LZTR1: variants seen among roughly 807,000 people sequenced by gnomAD.
LZTR1 encodes leucine zipper like post translational regulator 1.
In LZTR1, 260 loss-of-function variants were observed where a neutral mutation model predicts 105.7. That is an observed-to-expected ratio of 2.46 (90% CI 2.22 to 2.72). LZTR1 has a LOEUF of 2.72. Among genes scored for constraint, LZTR1 ranks in the 30% most tolerant of loss-of-function variants. The probability of loss-of-function intolerance (pLI) is 0.00; values close to 1 mark genes in which losing one functional copy is unlikely to be tolerated. For missense variants in LZTR1, 1,214 were observed against 1,166.9 expected (o/e 1.04, Z -0.59); for synonymous variants, 490 against 476.4 (o/e 1.03, Z -0.37).
At position 20,998,521 on chromosome 22, in the gene LZTR1, C is replaced by T. The variant is rs774989462; in HGVS notation, c.*1173C>T. The T allele has an allele frequency of 1.3e-5, 2 of 152,334 alleles. No individual in the cohort carries two copies. The highest frequency in any genetic ancestry group is 2.9e-5 in the Non-Finnish European group (2 of 68,128). 9.4% of individuals were successfully genotyped at this position (152,334 alleles called of 1,614,324 possible). A position where few individuals can be genotyped will look rare whatever the true frequency, so the allele number is the denominator to read the frequency against. ...TGTGGCTGCCATGAAGCCACAGCTC[C>T]TTGGGGAAGTGACCTGCTCTCCTTT... On this transcript the variant is annotated 3_prime_UTR_variant, in exon 21 of 21. Coordinates refer to ENST00000646124, the MANE Select transcript of LZTR1 (RefSeq NM_006767.4).
intron 1 of LZTR1, 93 bp from the exon 2 acceptor site, chr22:20,982,934 T>G: frequency 9.8e-7 from 1 of 1,019,282 alleles, no homozygotes; most frequent in South Asian, 1.3e-5. Flanking sequence ...AGGTGATACC[T>G]AACTTCCGTG....
At chr22:20,983,985 C>T (rs1924287939) in intron 2 of LZTR1, among the ~76,000 whole-genome samples, 1 of 152,222 alleles carries the variant, frequency 6.6e-6, no homozygotes, top group Non-Finnish European at 1.5e-5. Context: ...TGCCCTCAGT[C>T]CCTCACTGCA....
chr22:20,996,511 G>T (rs897055135), intron 18 of LZTR1, 185 bp from the exon 19 acceptor site: 4 of 611,630 alleles, frequency 6.5e-6, no homozygotes, highest in South Asian at 5.9e-5. Context: ...TATTTTTCTC[G>T]GGAGGGGATT....
chr22:20,989,640 G>A lies in LZTR1; in HGVS notation c.609G>A (p.Trp203Ter), dbSNP rs778525532. 6.2e-7 allele frequency: 1 copy of A among 1,613,692 alleles called. No individual in the cohort carries two copies. The highest frequency in any genetic ancestry group is 1.1e-5 in the South Asian group (1 of 91,080). Residue 203 changes from tryptophan to a stop codon, truncating the protein, a stop_gained, in exon 7 of 21, where the codon TGG becomes TGA. Transcript: ENST00000646124. LOFTEE classifies it high-confidence loss of function. ...CCTAATACAGGTTGAATGACATGTG[G>A]ACAATTGGCCTCCAGGACCGAGAGC... The part of the protein sequence containing the change: ...YDGNARLNDM[W>*]TIGLQDRELT...
At chr22:20,992,462 G>C in intron 10 of LZTR1, 93 bp downstream of exon 10, 2 of 1,359,084 alleles carry the variant, frequency 1.5e-6, no homozygotes, top group Admixed American at 2.3e-5. Context: ...GAGGCCCCGA[G>C]AAATACTTGC....
At chr22:20,987,951 G>T in intron 4 of LZTR1, 59 bp from the exon 5 acceptor site, 1 of 1,031,698 alleles carries the variant, frequency 9.7e-7, no homozygotes, top group Non-Finnish European at 1.5e-6. Context: ...CACCTTCCAG[G>T]GTTTGAAATC....
chr22:20,995,806 A>G lies in LZTR1; in HGVS notation c.2003A>G (p.Asp668Gly). ...GAGGGAGCGGGCGCGGAATTCTGTG[A>G]CATCACTCTGTTGCTTGACGGGCAC... ...YLEGAGAEFC[D>G]ITLLLDGHPR... The change falls in exon 17 of 21, where the codon GAC becomes GGC. Residue 668 changes from aspartate to glycine, a missense_variant. Transcript: ENST00000646124. 4 of 1,613,490 alleles carry G rather than the reference A, an allele frequency of 2.5e-6. No homozygotes were observed. The highest frequency in any genetic ancestry group is 2.7e-5 in the African/African-American group (2 of 74,976).
In LZTR1 at chr22:20,993,756, T is replaced by G. The variant is rs779146700; in HGVS notation, c.1353+2T>G. On this transcript the variant is annotated splice_donor_variant, in intron 12 of 20. Transcript: ENST00000646124. LOFTEE classifies it high-confidence loss of function. ...GACGTGGAGTTCGTGCTGGGTGAGGTGGGTGCCTGTCCTCGCACCCTGCTC... is the reference window on the plus strand; with the variant it reads ...GACGTGGAGTTCGTGCTGGGTGAGGGGGGTGCCTGTCCTCGCACCCTGCTC... 1 of 1,611,786 alleles carries G rather than the reference T, an allele frequency of 6.2e-7. No individual in the cohort carries two copies. The highest frequency in any genetic ancestry group is 8.5e-7 in the Non-Finnish European group (1 of 1,179,256).
intron 3 of LZTR1, 195 bp from the exon 4 acceptor site, chr22:20,987,309 G>C (rs1307650146): frequency 7.3e-6 from 4 of 548,084 alleles, no homozygotes; most frequent in Non-Finnish European, 9.8e-6. Context: ...CAGGACAATC[G>C]CTTGAACCCA....
chr22:20,993,046 T>C, intron 11 of LZTR1, 142 bp downstream of exon 11: 1 of 642,862 alleles, frequency 1.6e-6, no homozygotes, highest in South Asian at 2.0e-5. Flanking sequence ...GGAGGAGCCC[T>C]GTGGGCTGAG....
At position 20,993,932 on chromosome 22, in the gene LZTR1, G is replaced by T; in HGVS notation, c.1362G>T (p.Glu454Asp). The change falls in exon 13 of 21, where the codon GAG becomes GAT. Residue 454 changes from glutamate to aspartate, a missense_variant. Coordinates refer to ENST00000646124, the MANE Select transcript of LZTR1 (RefSeq NM_006767.4). ...DVEFVLGEKE[E>D]CVQGHVAIVT... ...CATCATTCTTTGTGCAGAAGGAGGA[G>T]TGCGTGCAGGGCCACGTAGCCATTG... is the stretch of plus-strand genomic sequence containing the variant. The T allele has an allele frequency of 6.2e-7, 1 of 1,612,096 alleles. No homozygotes were observed. Among genetic ancestry groups the T allele is most frequent in the Non-Finnish European group, 8.5e-7 (1 of 1,179,796 alleles).
chr22:20,996,255 G>T, intron 18 of LZTR1, 143 bp downstream of exon 18: 1 of 893,340 alleles, frequency 1.1e-6, no homozygotes, highest in Non-Finnish European at 1.7e-6. Context: ...TGGTGCCTGG[G>T]GCTGGGCCTG....
At chr22:20,989,166 C>T (rs1924508744) in intron 6 of LZTR1, among the ~76,000 whole-genome samples, 1 of 152,248 alleles carries the variant, frequency 6.6e-6, no homozygotes, top group Non-Finnish European at 1.5e-5. Context: ...TGCCCAGGCT[C>T]AGGCCCAGCC....
rs1180155083 is a variant in LZTR1, at chr22:20,995,458, TG to T, written c.1943-285del. On this transcript the variant is annotated intron_variant, in intron 16 of 20. Transcript: ENST00000646124. ...TCTGCAGGCACCAGAGGCCATGCAG[TG>T]GGCCTGGAGGGGGCTTGATCATGAG... 3.1e-6 allele frequency: 2 copies of T among 646,726 alleles called. No individual in the cohort carries two copies. The highest frequency in any genetic ancestry group is 5.9e-6 in the Non-Finnish European group (2 of 340,318). The allele number at this position is 646,726 out of a possible 1,614,324, so 40.1% of individuals were successfully genotyped here.
At position 20,994,661 on chromosome 22, in the gene LZTR1, C is replaced by T. The variant is rs150897932; in HGVS notation, c.1719C>T (p.Ser573=). Residue 573 remains serine (S), a synonymous_variant, in exon 15 of 21, where the codon TCC becomes TCT. Transcript: ENST00000646124. ...TGTGCCGCCAGTACATCGAGGCCTCCGTGGACCTGCAGAACGTGCTGGTTG... is the reference window on the plus strand; with the variant it reads ...TGTGCCGCCAGTACATCGAGGCCTCTGTGGACCTGCAGAACGTGCTGGTTG... The part of the protein sequence containing the change: ...EQLCRQYIEA[S]VDLQNVLVVC... 308 of 1,612,952 alleles carry T rather than the reference C, an allele frequency of 1.9e-4. 1 individual carries two copies. In the African/African-American group the frequency reaches 3.4e-3, roughly 18 times the overall value.
intron 3 of LZTR1, 101 bp from the exon 4 acceptor site, chr22:20,987,403 A>G (rs1385660889): frequency 6.0e-6 from 4 of 667,404 alleles, no homozygotes; most frequent in African/African-American, 1.8e-5. Flanking sequence ...AAAAAAAAAA[A>G]GAAAAAAGAA....
rs1408575907 is a variant in LZTR1 at position 20,992,907 on chromosome 22, G to A, written c.1260+3G>A. On this transcript the variant is annotated splice_donor_region_variant and intron_variant, in intron 11 of 20. Transcript: ENST00000646124. ...GCGGGGAGATGTACAGGTTCCAGGT[G>A]TGGGGCCTGTGGGCCTGTAGAGCCG... 2.5e-6 allele frequency: 4 copies of A among 1,571,258 alleles called. No individual in the cohort carries two copies. The African/African-American group carries it at 4.1e-5, about 16-fold the overall frequency.
intron 20 of LZTR1, 81 bp from the exon 21 acceptor site, chr22:20,997,151 T>C: frequency 8.7e-7 from 1 of 1,154,390 alleles, no homozygotes; most frequent in Non-Finnish European, 1.3e-6. Flanking sequence ...CTGAGCAGGG[T>C]AGGCCCCACA....
chr22:20,993,051 G>A (rs1165818219), intron 11 of LZTR1, 147 bp downstream of exon 11: 3 of 631,154 alleles, frequency 4.8e-6, no homozygotes, highest in African/African-American at 3.7e-5. Context: ...AGCCCTGTGG[G>A]CTGAGGGTGG....
Sources: gnomAD v4.1 joint callset for allele counts (sites outside exome capture counted in the v4.1 genomes callset) on GRCh38, gnomAD v4.1.1 for gene constraint, MANE v1.5 for transcripts, NCBI Gene and HGNC (gene_info 2026-07-23, HGNC 2026-07-21) for gene names.